Variants in ALLC observed in about 807,000 individuals in gnomAD.
ALLC encodes probable inactive allantoicase.
In ALLC, 40 loss-of-function variants were observed where a neutral mutation model predicts 45.0. The ratio of observed to expected loss-of-function variants is 0.89; its 90% confidence interval spans 0.69 to 1.16. The LOEUF (loss-of-function observed/expected upper bound fraction) is 1.16, where lower values mean the gene tolerates loss of function less well. ALLC is among the 50% of genes most tolerant of loss of function. The pLI is 0.00. For missense variants in ALLC, 488 were observed against 493.1 expected (o/e 0.99, Z 0.10); for synonymous variants, 176 against 178.1 (o/e 0.99, Z 0.09).
chr2:3,668,102 T>C (rs1183188097), intron 1 of ALLC, among the ~76,000 whole-genome samples: 1 of 152,150 alleles, frequency 6.6e-6, no homozygotes, highest in Non-Finnish European at 1.5e-5. Flanking sequence ...ACATGTATGC[T>C]CATATTATTT....
chr2:3,672,020 C>G lies in ALLC; in HGVS notation c.33+830C>G, dbSNP rs1443031176. ...GAGGTCCTCTGGCTCTAGTTAGATCCGAGGTCCTCTGGCTCTAGTTAGACC... is the reference window on the plus strand; with the variant it reads ...GAGGTCCTCTGGCTCTAGTTAGATCGGAGGTCCTCTGGCTCTAGTTAGACC... On this transcript the variant is annotated intron_variant, in intron 2 of 11. Transcript: ENST00000252505. 6.1e-5 allele frequency among the ~76,000 whole-genome samples: 5 copies of G among 81,398 alleles called. 1 individual carries two copies. The highest frequency in any genetic ancestry group is 2.1e-4 in the Admixed American group (2 of 9,460). 53.4% of individuals were successfully genotyped at this position (81,398 alleles called of 152,430 possible).
At chr2:3,692,095 T>C (rs1285752939) in intron 7 of ALLC, among the ~76,000 whole-genome samples, 9 of 152,236 alleles carry the variant, frequency 5.9e-5, no homozygotes, top group African/African-American at 2.2e-4. Context: ...CACTGTCTTA[T>C]TATGATCAGT....
chr2:3,666,673 G>A (rs1295211840), intron 1 of ALLC, among the ~76,000 whole-genome samples: 2 of 152,258 alleles, frequency 1.3e-5, no homozygotes, highest in African/African-American at 2.4e-5. Context: ...TGATGAGCAC[G>A]CCGCGATGCT....
intron 1 of ALLC, among the ~76,000 whole-genome samples, chr2:3,663,285 G>A (rs574989129): frequency 6.6e-6 from 1 of 152,144 alleles, no homozygotes; most frequent in Non-Finnish European, 1.5e-5. Context: ...CATGAATGGA[G>A]CTGGAAGCCA....
chr2:3,691,392 C>G (rs908839180), intron 7 of ALLC, among the ~76,000 whole-genome samples: 4 of 151,876 alleles, frequency 2.6e-5, no homozygotes, highest in Non-Finnish European at 5.9e-5. Context: ...TAGCTGGGAC[C>G]ACTGGTGCAC....
At chr2:3,685,683 A>AGGT (rs1375880423) in intron 7 of ALLC, among the ~76,000 whole-genome samples, 1 of 150,814 alleles carries the variant, frequency 6.6e-6, no homozygotes, top group East Asian at 2.0e-4. Flanking sequence ...ATTTCAACTG[A>AGGT]GGTGGTATGA....
chr2:3,673,212 G>T (rs1302507915), intron 2 of ALLC, among the ~76,000 whole-genome samples: 1 of 152,250 alleles, frequency 6.6e-6, no homozygotes, highest in African/African-American at 2.4e-5. Flanking sequence ...AGTGTTTCAA[G>T]AACACGCTGC....
At chr2:3,695,945 G>C in intron 8 of ALLC, 73 bp downstream of exon 8, 1 of 1,448,620 alleles carries the variant, frequency 6.9e-7, no homozygotes. Context: ...AATATGGTCA[G>C]AGTGATTTAA....
At chr2:3,651,428 TGTGTGTGTGTGTGTTA>T in the ALLC span, among the ~76,000 whole-genome samples, 37 of 58,832 alleles carry the variant, frequency 6.3e-4, 3 homozygotes, top group African/African-American at 1.8e-3. Context: ...TGTGTGTGTG[TGTGTGTGTGTGTGTTA>T]GGAAGGGAGA....
chr2:3,698,895 T>G (rs1235753529), intron 10 of ALLC, among the ~76,000 whole-genome samples: 1 of 152,226 alleles, frequency 6.6e-6, no homozygotes, highest in Non-Finnish European at 1.5e-5. Context: ...GGAATTATTG[T>G]GACTTTACTC....
intron 1 of ALLC, among the ~76,000 whole-genome samples, chr2:3,663,674 T>C (rs1666629231): frequency 6.6e-6 from 1 of 152,162 alleles, no homozygotes; most frequent in Non-Finnish European, 1.5e-5. Context: ...GGTTTTGCAG[T>C]GTCATTGAGG....
In ALLC at chr2:3,681,635, T is replaced by C. The variant is rs768076246; in HGVS notation, c.300T>C (p.Asp100=). The C allele has an allele frequency of 1.9e-6, 3 of 1,607,786 alleles. No homozygotes were observed. In the East Asian group the frequency reaches 6.7e-5, roughly 36 times the overall value. The change falls in exon 6 of 12, where the codon GAT becomes GAC. Residue 100 remains aspartate (D), a splice_region_variant and synonymous_variant. Coordinates refer to ENST00000252505, the MANE Select transcript of ALLC (RefSeq NM_018436.4). Reference sequence around the variant, plus strand: ...CCTGAATGGTCATTCCAACTACAGATAAACTACCAGAAATCCCAGAAAGAG... The same window carrying C: ...CCTGAATGGTCATTCCAACTACAGACAAACTACCAGAAATCCCAGAAAGAG... ...VSIQAANLEE[D]KLPEIPERGT...
chr2:3,669,563 G>A (rs766587322), intron 1 of ALLC, among the ~76,000 whole-genome samples: 17 of 152,104 alleles, frequency 1.1e-4, no homozygotes, highest in Non-Finnish European at 2.4e-4. Flanking sequence ...CAGGAGAATC[G>A]CTTGAACCTG....
At chr2:3,696,716 C>T (rs1236145605) in intron 9 of ALLC, among the ~76,000 whole-genome samples, 3 of 152,226 alleles carry the variant, frequency 2.0e-5, no homozygotes, top group Non-Finnish European at 4.4e-5. Context: ...CTCAGGATTA[C>T]ACCACTTATG....
chr2:3,695,629 A>G, intron 7 of ALLC, 88 bp from the exon 8 acceptor site: 2 of 1,482,190 alleles, frequency 1.3e-6, no homozygotes, highest in Non-Finnish European at 1.9e-6. Context: ...CCAAGAGATG[A>G]CACTGGAGAA....
At chr2:3,681,763 T>G (rs1417271193) in intron 6 of ALLC, 50 bp downstream of exon 6, 1 of 1,415,694 alleles carries the variant, frequency 7.1e-7, no homozygotes, top group East Asian at 2.4e-5. Flanking sequence ...ATTAGGAGAG[T>G]AGGGAAACTG....
At chr2:3,649,676 G>A in the ALLC span, among the ~76,000 whole-genome samples, 1 of 152,260 alleles carries the variant, frequency 6.6e-6, no homozygotes, top group Admixed American at 6.5e-5. Flanking sequence ...TGACCTGGCA[G>A]CTCAGGGTGC....
chr2:3,670,715 C>T (rs1218119085), intron 1 of ALLC, among the ~76,000 whole-genome samples: 3 of 152,154 alleles, frequency 2.0e-5, no homozygotes, highest in Non-Finnish European at 2.9e-5. Context: ...GGTCTCAATA[C>T]ATGTGTTTTG....
chr2:3,662,558 A>G (rs147072469), intron 1 of ALLC, among the ~76,000 whole-genome samples: 1 of 152,340 alleles, frequency 6.6e-6, no homozygotes, highest in East Asian at 1.9e-4. Flanking sequence ...AGCAGAACCT[A>G]TGTTACAGCA....
Sources: gnomAD v4.1 joint callset for allele counts (sites outside exome capture counted in the v4.1 genomes callset) on GRCh38, gnomAD v4.1.1 for gene constraint, MANE v1.5 for transcripts, NCBI Gene and HGNC (gene_info 2026-07-23, HGNC 2026-07-21) for gene names.